PDE1C: variants seen among roughly 807,000 people sequenced by gnomAD.
PDE1C encodes phosphodiesterase 1C, also known as dual specificity calcium/calmodulin-dependent 3',5'-cyclic nucleotide phosphodiesterase 1C.
A neutral mutation model predicts 93.1 loss-of-function variants in PDE1C; 62 were observed. The ratio of observed to expected loss-of-function variants is 0.67; its 90% confidence interval spans 0.54 to 0.82. The LOEUF is 0.82. PDE1C is among the 40% of genes least tolerant of loss of function. The probability of loss-of-function intolerance (pLI) is 0.00; values close to 1 mark genes in which losing one functional copy is unlikely to be tolerated. For synonymous variants in PDE1C, 325 were observed against 310.1 expected (o/e 1.05, Z -0.50); for missense variants, 742 against 884.6 (o/e 0.84, Z 2.04).
chr7:31,719,466 A>C, the PDE1C span, among the ~76,000 whole-genome samples: 16 of 152,330 alleles, frequency 1.1e-4, 1 homozygote, highest in Admixed American at 5.9e-4. Context: ...TTTGCAGCGC[A>C]GTCTATGTTG....
intron 1 of PDE1C, among the ~76,000 whole-genome samples, chr7:32,417,296 C>G (rs1278023370): frequency 6.7e-6 from 1 of 150,088 alleles, no homozygotes; most frequent in Non-Finnish European, 1.5e-5. Context: ...TTTTTTTTAA[C>G]CAGTGATAAC....
chr7:31,859,134 A>AC (rs1794372945), intron 7 of PDE1C, among the ~76,000 whole-genome samples: 1 of 144,220 alleles, frequency 6.9e-6, no homozygotes, highest in Non-Finnish European at 1.5e-5. Context: ...TATATATACT[A>AC]TATATATAGA....
At chr7:31,812,039 G>A (rs566555478) in intron 15 of PDE1C, among the ~76,000 whole-genome samples, 2 of 152,246 alleles carry the variant, frequency 1.3e-5, no homozygotes, top group South Asian at 2.1e-4. Context: ...GCTGACGTGA[G>A]CTGTTACTCA....
chr7:32,089,959 A>C (rs933109971), intron 3 of PDE1C, among the ~76,000 whole-genome samples: 3 of 152,200 alleles, frequency 2.0e-5, no homozygotes, highest in Admixed American at 2.0e-4. Context: ...AGGCAGGACA[A>C]AAATAGTTTC....
At chr7:32,170,051 G>A (rs947067650) in intron 2 of PDE1C, 10 of 1,097,874 alleles carry the variant, frequency 9.1e-6, no homozygotes, top group Non-Finnish European at 1.3e-5. Flanking sequence ...AAGCAGAGCA[G>A]GGAAATTTAT....
intron 6 of PDE1C, among the ~76,000 whole-genome samples, chr7:31,866,680 A>G (rs1457490174): frequency 6.6e-6 from 1 of 152,216 alleles, no homozygotes; most frequent in African/African-American, 2.4e-5. Context: ...TCACATTTCA[A>G]ATAGATTATC....
intron 2 of PDE1C, among the ~76,000 whole-genome samples, chr7:32,184,659 G>A (rs936491238): frequency 1.3e-5 from 2 of 152,132 alleles, no homozygotes; most frequent in Non-Finnish European, 2.9e-5. Context: ...TGGGGTAGGG[G>A]TAGGGGTAGG....
intron 2 of PDE1C, among the ~76,000 whole-genome samples, chr7:31,977,785 T>G (rs754054564): frequency 6.6e-6 from 1 of 152,196 alleles, no homozygotes; most frequent in Non-Finnish European, 1.5e-5. Flanking sequence ...CAACAACTAT[T>G]AAATAAATTA....
the PDE1C span, among the ~76,000 whole-genome samples, chr7:31,690,266 A>G: frequency 6.6e-6 from 1 of 152,258 alleles, no homozygotes; most frequent in Non-Finnish European, 1.5e-5. Flanking sequence ...TTACATAAAA[A>G]TAGCTGCCAC....
chr7:32,010,645 A>AT (rs1203617779), intron 2 of PDE1C, among the ~76,000 whole-genome samples: 1 of 152,222 alleles, frequency 6.6e-6, no homozygotes, highest in Non-Finnish European at 1.5e-5. Context: ...TCAGAAATTT[A>AT]TTGTCTTACA....
intron 3 of PDE1C, among the ~76,000 whole-genome samples, chr7:32,138,529 C>T (rs1359099221): frequency 6.6e-6 from 1 of 151,892 alleles, no homozygotes; most frequent in African/African-American, 2.4e-5. Context: ...ATCATCTGGC[C>T]GTAATGAAGG....
intron 1 of PDE1C, among the ~76,000 whole-genome samples, chr7:32,389,950 CTT>C (rs1562703234): frequency 6.6e-6 from 1 of 152,168 alleles, no homozygotes; most frequent in Non-Finnish European, 1.5e-5. Flanking sequence ...ATCCTCATGT[CTT>C]CTCTCTCTGA....
At chr7:32,034,080 G>GTGTGTGTT (rs1790709918) in intron 2 of PDE1C, among the ~76,000 whole-genome samples, 1 of 151,672 alleles carries the variant, frequency 6.6e-6, no homozygotes, top group African/African-American at 2.4e-5. Flanking sequence ...GTGTGTGTGT[G>GTGTGTGTT]TGTGTTTGCA....
intron 12 of PDE1C, among the ~76,000 whole-genome samples, chr7:31,827,782 A>T (rs1789879314): frequency 1.3e-5 from 2 of 152,310 alleles, no homozygotes; most frequent in Middle Eastern, 6.8e-3. Flanking sequence ...GCAATTCAAA[A>T]GTTATTCTTA....
At chr7:31,710,972 C>T in the PDE1C span, among the ~76,000 whole-genome samples, 1 of 152,208 alleles carries the variant, frequency 6.6e-6, no homozygotes, top group Non-Finnish European at 1.5e-5. Flanking sequence ...CTACCTTGGA[C>T]ACTCCAAGCT....
the PDE1C span, among the ~76,000 whole-genome samples, chr7:31,739,515 T>A: frequency 1.3e-5 from 2 of 152,210 alleles, no homozygotes; most frequent in Admixed American, 6.5e-5. Context: ...TAGTGCATTT[T>A]CTAATGTAAT....
At chr7:32,218,291 A>C (rs1806576007) in intron 1 of PDE1C, among the ~76,000 whole-genome samples, 1 of 152,244 alleles carries the variant, frequency 6.6e-6, no homozygotes, top group Admixed American at 6.5e-5. Context: ...TTGGCTGTCA[A>C]ATCCACTCTG....
chr7:31,656,983 G>C, the PDE1C span, among the ~76,000 whole-genome samples: 1 of 148,384 alleles, frequency 6.7e-6, no homozygotes, highest in Non-Finnish European at 1.5e-5. Flanking sequence ...CAGGCCTTTA[G>C]GCTCAGACTG....
chr7:32,381,792 GT>G (rs1784540469), intron 1 of PDE1C, among the ~76,000 whole-genome samples: 1 of 152,060 alleles, frequency 6.6e-6, no homozygotes, highest in Non-Finnish European at 1.5e-5. Flanking sequence ...TTGCATGTTT[GT>G]TTATTATCTA....
Sources: allele counts gnomAD v4.1 joint callset (sites outside exome capture counted in the v4.1 genomes callset), GRCh38; gene constraint gnomAD v4.1.1; transcripts MANE v1.5; gene names NCBI Gene and HGNC (gene_info 2026-07-23, HGNC 2026-07-21).